Variants in NCOA1 observed in about 807,000 individuals in gnomAD.
NCOA1 encodes Hin-2 protein.
Under a neutral mutation model 150.9 loss-of-function variants are expected in NCOA1, and 35 were observed. The ratio of observed to expected loss-of-function variants is 0.23; its 90% CI spans 0.18 to 0.31. The LOEUF (loss-of-function observed/expected upper bound fraction) is 0.31, where lower values mean the gene tolerates loss of function less well. Ranked by LOEUF, NCOA1 falls within the 10% of genes least tolerant of loss-of-function variation. NCOA1 has a pLI of 1.00. For missense variants in NCOA1, 1,491 were observed against 1,749.3 expected (o/e 0.85, Z 2.63); for synonymous variants, 590 against 630.0 (o/e 0.94, Z 0.95).
At chr2:24,741,667 A>C (rs1350704833) in intron 18 of NCOA1, 117 bp from the exon 19 acceptor site, 1 of 1,124,872 alleles carries the variant, frequency 8.9e-7, no homozygotes, top group Non-Finnish European at 1.2e-6. Context: ...TCCCTTGTAC[A>C]GTGATAATTG....
intron 19 of NCOA1, among the ~76,000 whole-genome samples, chr2:24,750,364 A>G (rs1664153699): frequency 6.6e-6 from 1 of 152,222 alleles, no homozygotes; most frequent in South Asian, 2.1e-4. Context: ...AGTCGCAACA[A>G]TCAAGACAAT....
rs1268051695 is a variant in NCOA1, at chr2:24,741,875, C to T, written c.3395C>T (p.Ala1132Val). ...RQRQLIQQQR[A>V]MLMRQQSFGN... ...AGGCAGCTAATACAGCAGCAAAGAG[C>T]CATGCTTATGAGGCAGCAAAGCTTT... Residue 1132 changes from alanine (A) to valine (V), a missense_variant, in exon 19 of 23, where the codon GCC (alanine) becomes GTC (valine). Coordinates refer to ENST00000348332, the MANE Select transcript of NCOA1 (RefSeq NM_003743.5). The T allele has an allele frequency of 2.5e-6, 4 of 1,614,098 alleles. No individual in the cohort carries two copies. Among genetic ancestry groups the T allele is most frequent in the Admixed American group, 3.3e-5 (2 of 60,006 alleles).
chr2:24,585,363 AT>A (rs978223242), intron 3 of NCOA1, among the ~76,000 whole-genome samples: 7 of 151,902 alleles, frequency 4.6e-5, no homozygotes, highest in African/African-American at 1.4e-4. Flanking sequence ...TTACTTTGTG[AT>A]TTTTTTTATG....
chr2:24,551,917 A>G (rs1665846268), intron 1 of NCOA1, among the ~76,000 whole-genome samples: 1 of 152,172 alleles, frequency 6.6e-6, no homozygotes, highest in East Asian at 1.9e-4. Context: ...TTCTCTTTCT[A>G]TTGAGTTACC....
chr2:24,675,652 A>G (rs1255571843), intron 7 of NCOA1, among the ~76,000 whole-genome samples: 1 of 152,208 alleles, frequency 6.6e-6, no homozygotes. Context: ...TGGGAAGCCA[A>G]GGCGGGTGGA....
chr2:24,729,636 T>C lies in NCOA1; in HGVS notation c.3022T>C (p.Phe1008Leu). Reference sequence around the variant, plus strand: ...TCCTACTGCCAATCTCCCTAGCCCTTTCCAAGGCATGGTCAGGCAAAAACC... The same window carrying C: ...TCCTACTGCCAATCTCCCTAGCCCTCTCCAAGGCATGGTCAGGCAAAAACC... ...PSPTANLPSP[F>L]QGMVRQKPSL... The change falls in exon 17 of 23, where the codon TTC becomes CTC. Residue 1008 changes from phenylalanine to leucine, a missense_variant. Phe to Leu is a conservative substitution (Grantham distance 22). This residue lies in a region of NCOA1 where 485 missense variants were observed against 522.8 expected (regional missense o/e 0.93). Transcript: ENST00000348332. 6.2e-7 allele frequency: 1 copy of C among 1,614,160 alleles called. No individual in the cohort carries two copies. Among genetic ancestry groups the C allele is most frequent in the Middle Eastern group, 1.6e-4 (1 of 6,062 alleles).
chr2:24,724,080 TTTTTG>T (rs200648819), intron 14 of NCOA1, among the ~76,000 whole-genome samples: 12,374 of 151,688 alleles, frequency 0.082, 664 homozygotes, highest in East Asian at 0.29. Flanking sequence ...TTTTGTTTGT[TTTTTG>T]TTTTGTTTTG....
intron 1 of NCOA1, among the ~76,000 whole-genome samples, chr2:24,558,481 A>G (rs2148245706): frequency 6.6e-6 from 1 of 152,264 alleles, no homozygotes; most frequent in East Asian, 1.9e-4. Flanking sequence ...CAAAAGTGGA[A>G]ACCCCTGATA....
chr2:24,687,358 CT>C (rs879418456), intron 8 of NCOA1, among the ~76,000 whole-genome samples: 171 of 145,068 alleles, frequency 1.2e-3, no homozygotes, highest in East Asian at 1.6e-3. Flanking sequence ...AATGTAAAGC[CT>C]TTTTTTTTTT....
At chr2:24,632,988 GCTT>G (rs1186501369) in intron 3 of NCOA1, among the ~76,000 whole-genome samples, 1 of 152,128 alleles carries the variant, frequency 6.6e-6, no homozygotes, top group Non-Finnish European at 1.5e-5. Context: ...ATCTGAGAAA[GCTT>G]CTAATATGAA....
intron 19 of NCOA1, among the ~76,000 whole-genome samples, chr2:24,743,481 T>C (rs1216690144): frequency 6.6e-6 from 1 of 152,250 alleles, no homozygotes; most frequent in Non-Finnish European, 1.5e-5. Flanking sequence ...CTCAAGACAA[T>C]GAAGTCATCT....
At chr2:24,729,873 T>C in intron 17 of NCOA1, 58 bp downstream of exon 17, 3 of 1,289,106 alleles carry the variant, frequency 2.3e-6, no homozygotes, top group Non-Finnish European at 3.1e-6. Context: ...AAGTCTCACC[T>C]GTCACCAGGC....
At chr2:24,751,186 G>A (rs1328646709) in intron 19 of NCOA1, among the ~76,000 whole-genome samples, 1 of 150,630 alleles carries the variant, frequency 6.6e-6, no homozygotes, top group Non-Finnish European at 1.5e-5. Flanking sequence ...GGCTAGTCTC[G>A]AACTCCTGAC....
intron 1 of NCOA1, among the ~76,000 whole-genome samples, chr2:24,500,250 A>G (rs1191438550): frequency 1.3e-5 from 2 of 152,136 alleles, no homozygotes; most frequent in African/African-American, 4.8e-5. Context: ...CTGGGATTAC[A>G]GGCATGTGCC....
intron 3 of NCOA1, among the ~76,000 whole-genome samples, chr2:24,585,314 T>C (rs1667355351): frequency 6.6e-6 from 1 of 152,254 alleles, no homozygotes; most frequent in African/African-American, 2.4e-5. Context: ...ATATTTGTCA[T>C]GTTTTGTGCA....
chr2:24,675,129 T>C (rs1467637033), intron 7 of NCOA1, among the ~76,000 whole-genome samples: 2 of 152,240 alleles, frequency 1.3e-5, no homozygotes, highest in African/African-American at 2.4e-5. Flanking sequence ...TTCCCTTTTT[T>C]AATTCTGTGC....
intron 20 of NCOA1, among the ~76,000 whole-genome samples, chr2:24,756,401 G>A (rs1386079277): frequency 6.6e-6 from 1 of 152,094 alleles, no homozygotes; most frequent in Admixed American, 6.5e-5. Flanking sequence ...ATAATTTTCT[G>A]TGGGCATTTT....
At chr2:24,681,300 G>A (rs1672153365) in intron 7 of NCOA1, among the ~76,000 whole-genome samples, 1 of 152,072 alleles carries the variant, frequency 6.6e-6, no homozygotes, top group South Asian at 2.1e-4. Context: ...GGAAGCAGAG[G>A]TTGCAGTGGG....
At chr2:24,505,414 G>C (rs1663652122) in intron 1 of NCOA1, among the ~76,000 whole-genome samples, 1 of 152,098 alleles carries the variant, frequency 6.6e-6, no homozygotes, top group Admixed American at 6.6e-5. Flanking sequence ...CTCAACCTCA[G>C]GTGATCCACC....
Sources: allele counts gnomAD v4.1 joint callset (sites outside exome capture counted in the v4.1 genomes callset), GRCh38; gene constraint gnomAD v4.1.1; regional missense constraint gnomAD v4.1.1; transcripts MANE v1.5; gene names NCBI Gene and HGNC (gene_info 2026-07-23, HGNC 2026-07-21).